The following SIPA1L2 variants were observed in gnomAD, a reference collection of about 807,000 sequenced individuals.
The protein encoded by SIPA1L2 is signal-induced proliferation-associated 1-like protein 2.
SIPA1L2 carries 56 observed loss-of-function variants against 163.9 expected under a neutral mutation model. That is an observed-to-expected ratio of 0.34 (90% CI 0.28 to 0.43). SIPA1L2 has a LOEUF of 0.43. Among genes scored for constraint, SIPA1L2 ranks in the 20% least tolerant of loss-of-function variants. The pLI is 1.00. For synonymous variants in SIPA1L2, 877 were observed against 865.7 expected (o/e 1.01, Z -0.23); for missense variants, 1,974 against 2,193.5 (o/e 0.90, Z 2.00).
chr1:232,480,091 T>G (rs1354884794), intron 6 of SIPA1L2, among the ~76,000 whole-genome samples: 1 of 151,950 alleles, frequency 6.6e-6, no homozygotes. Context: ...CAGGTCTGGG[T>G]GCAATTATCT....
chr1:232,619,091 A>G (rs1340332633), intron 1 of SIPA1L2, among the ~76,000 whole-genome samples: 3 of 152,240 alleles, frequency 2.0e-5, no homozygotes, highest in South Asian at 2.1e-4. Context: ...ATTTAAGCAG[A>G]TCATTTTAAT....
intron 1 of SIPA1L2, among the ~76,000 whole-genome samples, chr1:232,597,629 G>A (rs985558272): frequency 1.4e-5 from 2 of 145,958 alleles, no homozygotes; most frequent in Admixed American, 1.4e-4. Context: ...GGCAGAGGTT[G>A]CAGTGAGCCG....
intron 1 of SIPA1L2, among the ~76,000 whole-genome samples, chr1:232,575,777 C>T (rs1424797435): frequency 2.0e-5 from 3 of 152,134 alleles, no homozygotes; most frequent in Non-Finnish European, 2.9e-5. Context: ...GCAACCCAAA[C>T]GCCCATTAGA....
intron 1 of SIPA1L2, among the ~76,000 whole-genome samples, chr1:232,595,581 A>G (rs945082): frequency 0.78 from 117,834 of 151,916 alleles, 46,149 homozygotes; most frequent in East Asian, 0.92. Context: ...ATTCCACCCG[A>G]CTCAAACTCT....
intron 3 of SIPA1L2, among the ~76,000 whole-genome samples, chr1:232,507,900 T>C (rs531440674): frequency 1.3e-5 from 2 of 152,204 alleles, no homozygotes; most frequent in Non-Finnish European, 2.9e-5. Context: ...AAGCTCCATT[T>C]ACATAAATTT....
Position 232,563,169 on chromosome 1 carries a change from AG to A in SIPA1L2, c.-270+11004del, listed in dbSNP as rs748371105. On this transcript the variant is annotated intron_variant, in intron 2 of 22. Transcript: ENST00000674635. ...ATTGTGTGGTGTAGTGCCTAAAAATAGTATGGTTTGGCAGGCAGATCATACC... is the reference window on the plus strand; with the variant it reads ...ATTGTGTGGTGTAGTGCCTAAAAATATATGGTTTGGCAGGCAGATCATACC... Among the ~76,000 whole-genome samples, 8 of 152,352 alleles carry A rather than the reference AG, an allele frequency of 5.3e-5. No homozygotes were observed. In the South Asian group the frequency reaches 1.7e-3, roughly 32 times the overall value.
At chr1:232,477,021 G>T (rs1488302291) in intron 7 of SIPA1L2, among the ~76,000 whole-genome samples, 1 of 152,138 alleles carries the variant, frequency 6.6e-6, no homozygotes, top group East Asian at 1.9e-4. Context: ...TTGTGGGCAT[G>T]GATGGTGAGG....
chr1:232,411,324 G>T (rs994808606), intron 19 of SIPA1L2, among the ~76,000 whole-genome samples: 1 of 152,146 alleles, frequency 6.6e-6, no homozygotes, highest in African/African-American at 2.4e-5. Context: ...CCAGGGAGAG[G>T]TAATAACATT....
intron 2 of SIPA1L2, among the ~76,000 whole-genome samples, chr1:232,518,296 G>C (rs1293036033): frequency 6.6e-6 from 1 of 152,068 alleles, no homozygotes; most frequent in African/African-American, 2.4e-5. Flanking sequence ...CTTTCTTCTG[G>C]TAATGGTGGC....
At chr1:232,437,498 C>T (rs1460077297) in intron 15 of SIPA1L2, among the ~76,000 whole-genome samples, 1 of 152,164 alleles carries the variant, frequency 6.6e-6, no homozygotes, top group Non-Finnish European at 1.5e-5. Context: ...ATCTTCATAT[C>T]CTAAGCTCCC....
intron 2 of SIPA1L2, among the ~76,000 whole-genome samples, chr1:232,547,491 C>T (rs1658099740): frequency 7.0e-6 from 1 of 141,930 alleles, no homozygotes; most frequent in Non-Finnish European, 1.5e-5. Context: ...TCACAGGTTT[C>T]ATTCTATTCA....
intron 3 of SIPA1L2, among the ~76,000 whole-genome samples, chr1:232,512,929 C>T (rs1231822416): frequency 6.6e-6 from 1 of 152,176 alleles, no homozygotes; most frequent in African/African-American, 2.4e-5. Flanking sequence ...TCCTCAGGCA[C>T]TCTGTGAGGT....
chr1:232,605,719 CAA>C, intron 1 of SIPA1L2, among the ~76,000 whole-genome samples: 1 of 138,300 alleles, frequency 7.2e-6, no homozygotes, highest in South Asian at 2.3e-4. Flanking sequence ...CAAAACAAAA[CAA>C]AAAACAAAAA....
At chr1:232,621,111 A>G (rs893010911) in intron 1 of SIPA1L2, among the ~76,000 whole-genome samples, 24 of 152,366 alleles carry the variant, frequency 1.6e-4, no homozygotes, top group African/African-American at 5.5e-4. Flanking sequence ...TGTTCTCTGC[A>G]TGATCACAGA....
At chr1:232,623,992 T>C (rs1165687407) in intron 1 of SIPA1L2, among the ~76,000 whole-genome samples, 2 of 152,120 alleles carry the variant, frequency 1.3e-5, no homozygotes, top group Non-Finnish European at 2.9e-5. Context: ...TCTACATCTA[T>C]TTATTTTTAA....
intron 2 of SIPA1L2, among the ~76,000 whole-genome samples, chr1:232,559,634 T>C (rs1375542149): frequency 6.6e-6 from 1 of 152,188 alleles, no homozygotes; most frequent in East Asian, 1.9e-4. Context: ...CATGTATTTA[T>C]AGAAAAAAGA....
chr1:232,403,584 GAA>G lies in SIPA1L2; in HGVS notation c.4817-15_4817-14del. 1 of 1,606,952 alleles carries G rather than the reference GAA, an allele frequency of 6.2e-7. No homozygotes were observed. Among genetic ancestry groups the G allele is most frequent in the Non-Finnish European group, 8.5e-7 (1 of 1,176,860 alleles). ...GCCACCCTCTGGTCTGGGGAGGGGAGAAACACACACAGAAAGAAGGGTTAGTA... is the reference window on the plus strand; with the variant it reads ...GCCACCCTCTGGTCTGGGGAGGGGAGACACACACAGAAAGAAGGGTTAGTA... On this transcript the variant is annotated splice_polypyrimidine_tract_variant and intron_variant, in intron 20 of 22. Coordinates refer to ENST00000674635, the MANE Select transcript of SIPA1L2 (RefSeq NM_020808.5).
intron 16 of SIPA1L2, among the ~76,000 whole-genome samples, chr1:232,431,598 T>TA (rs1662243514): frequency 6.6e-6 from 1 of 152,196 alleles, no homozygotes; most frequent in Admixed American, 6.5e-5. Flanking sequence ...AGTATTCTGT[T>TA]AAGCTTCTTT....
chr1:232,543,959 G>A lies in SIPA1L2; in HGVS notation c.-269-28351C>T, dbSNP rs921403462. On this transcript the variant is annotated intron_variant, in intron 2 of 22. Transcript: ENST00000674635. ...GTAAGCCATTAGTAAATTTTGGAGGGAGGGGGTTGGTGCCCCTAACTCTCA... is the reference window on the plus strand; with the variant it reads ...GTAAGCCATTAGTAAATTTTGGAGGAAGGGGGTTGGTGCCCCTAACTCTCA... Among the ~76,000 whole-genome samples the A allele has an allele frequency of 5.5e-4, 84 of 152,196 alleles. 1 individual carries two copies. Among genetic ancestry groups the A allele is most frequent in the African/African-American group, 2.0e-3 (83 of 41,444 alleles).
Sources: allele counts gnomAD v4.1 joint callset (sites outside exome capture counted in the v4.1 genomes callset), GRCh38; gene constraint gnomAD v4.1.1; transcripts MANE v1.5; gene names NCBI Gene and HGNC (gene_info 2026-07-23, HGNC 2026-07-21).